Variants in KLF12 observed in about 807,000 individuals in gnomAD.
KLF12 encodes the protein Krueppel-like factor 12.
A neutral mutation model predicts 37.8 loss-of-function variants in KLF12; 9 were observed. That is an observed-to-expected ratio of 0.24 (90% CI 0.14 to 0.42). KLF12 has a LOEUF of 0.42. Ranked by LOEUF, KLF12 falls within the 10% of genes least tolerant of loss-of-function variation. KLF12 has a pLI of 1.00. For missense variants in KLF12, 411 were observed against 516.0 expected (o/e 0.80, Z 1.97); for synonymous variants, 208 against 202.1 (o/e 1.03, Z -0.25).
intron 4 of KLF12, among the ~76,000 whole-genome samples, chr13:73,819,619 C>G (rs1883414779): frequency 6.6e-6 from 1 of 152,146 alleles, no homozygotes; most frequent in African/African-American, 2.4e-5. Context: ...AAAATTCCTG[C>G]TCTCATGCTG....
intron 7 of KLF12, among the ~76,000 whole-genome samples, chr13:73,705,773 C>T (rs994400576): frequency 6.6e-6 from 1 of 152,080 alleles, no homozygotes; most frequent in Admixed American, 6.5e-5. Flanking sequence ...TATTCCATAC[C>T]TTTTATATAA....
the KLF12 span, chr13:74,258,154 ACTGTGTTTGTGTGTGTGTGTGTGTGTGT>A: frequency 4.7e-5 from 6 of 127,588 alleles, no homozygotes; most frequent in Non-Finnish European, 8.6e-5. Context: ...TTGGTCTATT[ACTGTGTTTGTGTGTGTGTGTGTGTGTGT>A]GTGTGTGTGT....
chr13:73,796,180 T>C (rs190142813), intron 5 of KLF12, among the ~76,000 whole-genome samples: 30 of 152,324 alleles, frequency 2.0e-4, no homozygotes, highest in Admixed American at 1.8e-3. Context: ...TGTACAGAAA[T>C]GACCTTCACT....
chr13:73,870,756 A>G (rs186033059), intron 3 of KLF12, among the ~76,000 whole-genome samples: 2 of 152,312 alleles, frequency 1.3e-5, no homozygotes, highest in East Asian at 1.9e-4. Flanking sequence ...TAGCTACAAT[A>G]AAGATTTCCC....
intron 3 of KLF12, among the ~76,000 whole-genome samples, chr13:73,915,231 AG>A (rs1281507589): frequency 6.6e-6 from 1 of 152,198 alleles, no homozygotes; most frequent in African/African-American, 2.4e-5. Flanking sequence ...GATTTCACTT[AG>A]GGCCCGCCCA....
At chr13:74,119,860 C>T (rs1202072390) in intron 1 of KLF12, among the ~76,000 whole-genome samples, 2 of 151,440 alleles carry the variant, frequency 1.3e-5, no homozygotes, top group Admixed American at 6.6e-5. Flanking sequence ...GAATCCAACA[C>T]ATGATAATTA....
chr13:74,070,980 C>G (rs1187470255), intron 1 of KLF12, among the ~76,000 whole-genome samples: 3 of 152,108 alleles, frequency 2.0e-5, no homozygotes, highest in African/African-American at 7.2e-5. Flanking sequence ...TAACACAACA[C>G]AAATATCAAC....
At chr13:74,047,171 C>T (rs1321199284) in intron 1 of KLF12, among the ~76,000 whole-genome samples, 2 of 152,128 alleles carry the variant, frequency 1.3e-5, no homozygotes, top group South Asian at 2.1e-4. Context: ...ATGTCCCCTC[C>T]CCTCCACATC....
intron 3 of KLF12, among the ~76,000 whole-genome samples, chr13:73,908,056 G>A (rs1888386913): frequency 6.6e-6 from 1 of 152,066 alleles, no homozygotes; most frequent in South Asian, 2.1e-4. Flanking sequence ...CATCTTTCAG[G>A]TCTTGGTTCA....
chr13:74,032,317 T>C (rs1370603859), intron 1 of KLF12, among the ~76,000 whole-genome samples: 1 of 152,186 alleles, frequency 6.6e-6, no homozygotes, highest in Admixed American at 6.5e-5. Context: ...TACTTTCTTA[T>C]ATGTATCTAG....
At chr13:73,807,723 A>C (rs1882721722) in intron 5 of KLF12, among the ~76,000 whole-genome samples, 1 of 152,332 alleles carries the variant, frequency 6.6e-6, no homozygotes, top group African/African-American at 2.4e-5. Flanking sequence ...CATGTAATTC[A>C]TTAGTTCTGA....
At chr13:74,064,907 C>G (rs1292237927) in intron 1 of KLF12, among the ~76,000 whole-genome samples, 2 of 152,182 alleles carry the variant, frequency 1.3e-5, no homozygotes, top group Non-Finnish European at 2.9e-5. Flanking sequence ...TTCTTCCCAT[C>G]ATACTACTCT....
intron 6 of KLF12, among the ~76,000 whole-genome samples, chr13:73,729,653 T>A (rs751875086): frequency 2.6e-5 from 4 of 152,246 alleles, no homozygotes; most frequent in Non-Finnish European, 5.9e-5. Flanking sequence ...TTATTGATGA[T>A]TAAATATTAT....
At chr13:74,275,646 C>CT in the KLF12 span, among the ~76,000 whole-genome samples, 4 of 150,232 alleles carry the variant, frequency 2.7e-5, no homozygotes, top group African/African-American at 9.7e-5. Flanking sequence ...CTTGTTACTA[C>CT]TTTTTTATCA....
the KLF12 span, among the ~76,000 whole-genome samples, chr13:74,218,338 G>A: frequency 6.6e-6 from 1 of 152,222 alleles, no homozygotes; most frequent in African/African-American, 2.4e-5. Flanking sequence ...GCCGAGAAAT[G>A]AGAGTTTCTT....
rs529227592 is a variant in KLF12 at position 73,938,336 on chromosome 13, A to T, written c.123+5645T>A. Reference sequence around the variant, plus strand: ...TTCCCCCTAATGCTACTGAATTTTAATGTAATTTATTTCCTGCGTTAAGTA... The same window carrying T: ...TTCCCCCTAATGCTACTGAATTTTATTGTAATTTATTTCCTGCGTTAAGTA... On this transcript the variant is annotated intron_variant, in intron 3 of 7. Coordinates refer to ENST00000377669, the MANE Select transcript of KLF12 (RefSeq NM_007249.5). 5.9e-4 allele frequency among the ~76,000 whole-genome samples: 90 copies of T among 152,270 alleles called. 2 individuals carry two copies. Among genetic ancestry groups the T allele is most frequent in the Non-Finnish European group, 4.1e-4 (28 of 68,020 alleles).
chr13:74,283,211 T>C, the KLF12 span, among the ~76,000 whole-genome samples: 56 of 152,342 alleles, frequency 3.7e-4, no homozygotes, highest in East Asian at 5.8e-4. Flanking sequence ...GAAAATGTCT[T>C]CCAAAAATTC....
the KLF12 span, among the ~76,000 whole-genome samples, chr13:74,151,310 A>T: frequency 1.8e-4 from 28 of 152,318 alleles, no homozygotes; most frequent in East Asian, 5.0e-3. Context: ...ACAAAATATG[A>T]TTAAGCATTT....
chr13:73,854,583 T>C (rs1885508725), intron 3 of KLF12, among the ~76,000 whole-genome samples: 1 of 152,234 alleles, frequency 6.6e-6, no homozygotes, highest in Admixed American at 6.5e-5. Flanking sequence ...CTTTGCTTTT[T>C]GGATAACCCA....
Sources: gnomAD v4.1 joint callset for allele counts (sites outside exome capture counted in the v4.1 genomes callset) on GRCh38, gnomAD v4.1.1 for gene constraint, MANE v1.5 for transcripts, NCBI Gene and HGNC (gene_info 2026-07-23, HGNC 2026-07-21) for gene names.